The following TP63 variants were observed in gnomAD, a reference collection of about 807,000 sequenced individuals.
TP63 encodes tumor protein 63.
TP63 carries 17 observed loss-of-function variants against 82.8 expected under a neutral mutation model. The observed-to-expected ratio is 0.21, with a 90% CI of 0.14 to 0.31. The LOEUF is 0.31. Among genes scored for constraint, TP63 ranks in the 10% least tolerant of loss-of-function variants. The pLI is 1.00. For synonymous variants in TP63, 330 were observed against 321.7 expected, an observed-to-expected ratio of 1.03 and a Z score of -0.28; for missense variants, 648 against 895.3, an observed-to-expected ratio of 0.72 and a Z score of 3.52.
chr3:189,837,037 G>A (rs1283585699), intron 4 of TP63, among the ~76,000 whole-genome samples: 2 of 152,066 alleles, frequency 1.3e-5, no homozygotes, highest in Admixed American at 6.5e-5. Context: ...GGAAAGTAGG[G>A]GAATGAGCCT....
intron 1 of TP63, among the ~76,000 whole-genome samples, chr3:189,737,289 T>A (rs946983629): frequency 3.9e-5 from 6 of 152,156 alleles, no homozygotes; most frequent in Non-Finnish European, 8.8e-5. Context: ...ATTTTCTGAG[T>A]TCATTTCTGT....
chr3:189,832,457 G>T (rs1422643096), intron 4 of TP63, among the ~76,000 whole-genome samples: 2 of 152,134 alleles, frequency 1.3e-5, no homozygotes, highest in East Asian at 3.9e-4. Context: ...GAGACAGCTC[G>T]CCAGCTAAAC....
intron 3 of TP63, among the ~76,000 whole-genome samples, chr3:189,788,860 T>G (rs909206496): frequency 1.3e-5 from 2 of 151,626 alleles, no homozygotes; most frequent in Non-Finnish European, 2.9e-5. Flanking sequence ...TATTACCTAT[T>G]CACAAGCAAA....
intron 7 of TP63, 62 bp downstream of exon 7, chr3:189,868,004 A>T (rs1717940967): frequency 7.4e-7 from 1 of 1,347,750 alleles, no homozygotes; most frequent in Admixed American, 1.8e-5. Flanking sequence ...GGCAAAGTGA[A>T]ATCGTGGCTG....
At chr3:189,628,190 AG>A (rs1729362309), upstream of TP63, among the ~76,000 whole-genome samples, 1 of 152,124 alleles carries the variant, frequency 6.6e-6, no homozygotes, top group Non-Finnish European at 1.5e-5. Flanking sequence ...GAAGTGGGGA[AG>A]GTTTCTTTTA....
At chr3:189,627,453 T>G (rs1427824642), upstream of TP63, among the ~76,000 whole-genome samples, 1 of 152,172 alleles carries the variant, frequency 6.6e-6, no homozygotes, top group Non-Finnish European at 1.5e-5. Flanking sequence ...ACGTACCATA[T>G]GCCTGCATTT....
chr3:189,613,812 A>C, the TP63 span, among the ~76,000 whole-genome samples: 1 of 152,082 alleles, frequency 6.6e-6, no homozygotes, highest in Non-Finnish European at 1.5e-5. Flanking sequence ...GGACCTTTAA[A>C]ATTTGACTGC....
intron 4 of TP63, among the ~76,000 whole-genome samples, chr3:189,856,846 T>C (rs1716352183): frequency 6.6e-6 from 1 of 152,072 alleles, no homozygotes; most frequent in African/African-American, 2.4e-5. Flanking sequence ...CACTGAAAAC[T>C]ATAAAACATT....
chr3:189,778,213 A>C (rs1328277349), intron 3 of TP63, among the ~76,000 whole-genome samples: 1 of 152,180 alleles, frequency 6.6e-6, no homozygotes, highest in East Asian at 1.9e-4. Flanking sequence ...TGTACAATAA[A>C]GCATTCAGTT....
At chr3:189,731,669 C>A (rs1051241683) in intron 1 of TP63, among the ~76,000 whole-genome samples, 2 of 152,192 alleles carry the variant, frequency 1.3e-5, no homozygotes, top group African/African-American at 4.8e-5. Flanking sequence ...TTTCAGTTCA[C>A]TTCTGTAAAG....
chr3:189,647,290 C>T (rs1712498991), intron 1 of TP63, among the ~76,000 whole-genome samples: 2 of 146,934 alleles, frequency 1.4e-5, no homozygotes, highest in Admixed American at 6.7e-5. Context: ...CTAGGCTTTT[C>T]TTAATTAGTC....
intron 9 of TP63, 77 bp from the exon 10 acceptor site, chr3:189,872,782 A>G (rs1212085965): frequency 1.6e-5 from 26 of 1,580,684 alleles, no homozygotes; most frequent in Admixed American, 1.2e-4. Context: ...GAATCCTCAA[A>G]TAATGAGGAT....
intron 3 of TP63, among the ~76,000 whole-genome samples, chr3:189,781,124 T>A (rs1033271134): frequency 6.6e-6 from 1 of 152,126 alleles, no homozygotes; most frequent in Non-Finnish European, 1.5e-5. Flanking sequence ...ACAGACAGAC[T>A]AGATAGCTAT....
At chr3:189,827,222 CA>C (rs1309750739) in intron 4 of TP63, among the ~76,000 whole-genome samples, 1 of 152,212 alleles carries the variant, frequency 6.6e-6, no homozygotes, top group African/African-American at 2.4e-5. Flanking sequence ...TTTAGTGTGA[CA>C]GGTGCTATAA....
chr3:189,893,467 T>C (rs1721222749), intron 13 of TP63, among the ~76,000 whole-genome samples: 1 of 152,238 alleles, frequency 6.6e-6, no homozygotes. Context: ...CAGATAAATG[T>C]AAGTGATATC....
chr3:189,763,667 G>A (rs927310958), intron 3 of TP63, among the ~76,000 whole-genome samples: 8 of 152,146 alleles, frequency 5.3e-5, no homozygotes, highest in South Asian at 2.1e-4. Context: ...CTAGGAAGAC[G>A]AACTGTGTTT....
At chr3:189,815,028 C>T (rs1364165848) in intron 4 of TP63, among the ~76,000 whole-genome samples, 3 of 152,028 alleles carry the variant, frequency 2.0e-5, no homozygotes, top group Non-Finnish European at 4.4e-5. Flanking sequence ...AAATCCTCTG[C>T]TTTTCCCTTT....
chr3:189,876,410 A>C (rs576450643), intron 10 of TP63, among the ~76,000 whole-genome samples: 2 of 152,222 alleles, frequency 1.3e-5, no homozygotes. Flanking sequence ...AGAAGAAAAC[A>C]CATGTTAATA....
chr3:189,894,628 G>A lies in TP63; in HGVS notation c.*126G>A. 8.5e-7 allele frequency: 1 copy of A among 1,174,778 alleles called. No homozygotes were observed. Among genetic ancestry groups the A allele is most frequent in the Admixed American group, 2.1e-5 (1 of 48,464 alleles). The allele number at this position is 1,174,778 out of a possible 1,614,324, so 72.8% of individuals were successfully genotyped here. On this transcript the variant is annotated 3_prime_UTR_variant, in exon 14 of 14. Coordinates refer to ENST00000264731, the MANE Select transcript of TP63 (RefSeq NM_003722.5). ...CTCTTGTCTGATTTCTTAGGGGAAG[G>A]AGAAGTAAGAGGCTACCTCTTACCT...
Sources: gnomAD v4.1 joint callset for allele counts (sites outside exome capture counted in the v4.1 genomes callset) on GRCh38, gnomAD v4.1.1 for gene constraint, MANE v1.5 for transcripts, NCBI Gene and HGNC (gene_info 2026-07-23, HGNC 2026-07-21) for gene names.